The following IGF2BP3 variants were observed in gnomAD, a reference collection of about 807,000 sequenced individuals.
IGF2BP3 encodes the protein insulin-like growth factor 2 mRNA-binding protein 3.
In IGF2BP3, 9 loss-of-function variants were observed where a neutral mutation model predicts 73.8. That is an observed-to-expected ratio of 0.12 (90% CI 0.07 to 0.21). IGF2BP3 has a LOEUF of 0.21. IGF2BP3 is among the 10% of genes least tolerant of loss of function. The pLI, the probability that IGF2BP3 is intolerant of heterozygous loss-of-function variation, is 1.00. For synonymous variants in IGF2BP3, 258 were observed against 256.7 expected (o/e 1.01, Z -0.05); for missense variants, 542 against 714.0 (o/e 0.76, Z 2.75).
At chr7:23,436,613 T>C (rs1186997596) in intron 2 of IGF2BP3, among the ~76,000 whole-genome samples, 2 of 152,136 alleles carry the variant, frequency 1.3e-5, no homozygotes, top group Middle Eastern at 3.2e-3. Flanking sequence ...AAGAGAAAAA[T>C]ATAATTTAAC....
At chr7:23,316,381 TA>T (rs1307220366) in intron 12 of IGF2BP3, among the ~76,000 whole-genome samples, 1 of 151,984 alleles carries the variant, frequency 6.6e-6, no homozygotes, top group African/African-American at 2.4e-5. Context: ...ACTTTAAGGC[TA>T]AAAAAACTAA....
At chr7:23,329,484 C>T (rs1784389939) in intron 10 of IGF2BP3, among the ~76,000 whole-genome samples, 1 of 152,178 alleles carries the variant, frequency 6.6e-6, no homozygotes, top group African/African-American at 2.4e-5. Flanking sequence ...AGTAGAACTG[C>T]TGAGTCAAAA....
intron 3 of IGF2BP3, among the ~76,000 whole-genome samples, chr7:23,378,647 T>C (rs1295643725): frequency 6.8e-6 from 1 of 146,398 alleles, no homozygotes; most frequent in Non-Finnish European, 1.5e-5. Flanking sequence ...GATCTTGGCT[T>C]ACTGCCACCT....
intron 3 of IGF2BP3, among the ~76,000 whole-genome samples, chr7:23,401,943 C>T (rs1226610043): frequency 1.3e-5 from 2 of 151,956 alleles, no homozygotes; most frequent in South Asian, 4.1e-4. Context: ...ATGGCAAAAC[C>T]CCATCTCTAC....
chr7:23,427,608 A>C (rs1227379679), intron 2 of IGF2BP3, among the ~76,000 whole-genome samples: 2 of 152,204 alleles, frequency 1.3e-5, no homozygotes, highest in African/African-American at 2.4e-5. Context: ...GTGATGGCTC[A>C]CGCCTGTAAT....
chr7:23,369,121 T>C (rs947205810), intron 3 of IGF2BP3, among the ~76,000 whole-genome samples: 1 of 152,138 alleles, frequency 6.6e-6, no homozygotes, highest in Admixed American at 6.5e-5. Context: ...TGGTTCAGCT[T>C]TGTGTGACAA....
At chr7:23,417,827 A>G (rs1476108040) in intron 3 of IGF2BP3, among the ~76,000 whole-genome samples, 4 of 152,214 alleles carry the variant, frequency 2.6e-5, no homozygotes, top group African/African-American at 9.6e-5. Flanking sequence ...CCATCTATAA[A>G]GTATATTTTT....
intron 3 of IGF2BP3, among the ~76,000 whole-genome samples, chr7:23,372,584 T>C (rs1274599417): frequency 6.6e-6 from 1 of 152,228 alleles, no homozygotes; most frequent in Non-Finnish European, 1.5e-5. Flanking sequence ...CGTTTGGTTT[T>C]TCCATTCCTG....
chr7:23,406,032 C>G (rs377262391), intron 3 of IGF2BP3, among the ~76,000 whole-genome samples: 83 of 139,970 alleles, frequency 5.9e-4, no homozygotes, highest in African/African-American at 2.1e-3. Context: ...ACGACTGTTG[C>G]AAAGAAATAA....
In IGF2BP3 at chr7:23,470,126, T is replaced by C. The variant is rs751597565; in HGVS notation, c.-16A>G. 3.8e-6 allele frequency: 6 copies of C among 1,571,936 alleles called. No individual in the cohort carries two copies. The highest frequency in any genetic ancestry group is 5.2e-6 in the Non-Finnish European group (6 of 1,160,696). ...GTTTGTTCATTGTGAAGAGTGGTTG[T>C]TTAAAAAAAAATAACGAGAAAAAAC... On this transcript the variant is annotated 5_prime_UTR_variant, in exon 1 of 15. Transcript: ENST00000258729.
Position 23,311,346 on chromosome 7 carries a change from C to T in IGF2BP3, c.*1016G>A, listed in dbSNP as rs547268841. ...AGTCTTGCATCTCTTCACTGATGCA[C>T]TTTCTTTAGGTATTGATAGTCAGAA... On this transcript the variant is annotated 3_prime_UTR_variant, in exon 15 of 15. Transcript: ENST00000258729. 5.2e-5 allele frequency: 8 copies of T among 152,704 alleles called. No homozygotes were observed. In the South Asian group the frequency reaches 1.7e-3, roughly 32 times the overall value. 9.5% of individuals were successfully genotyped at this position (152,704 alleles called of 1,614,324 possible).
intron 3 of IGF2BP3, among the ~76,000 whole-genome samples, chr7:23,390,840 C>A (rs1320404731): frequency 6.7e-6 from 1 of 150,278 alleles, no homozygotes; most frequent in East Asian, 1.9e-4. Flanking sequence ...GCTCTGTTGC[C>A]CAGGCTGGAG....
rs776920934 is a variant in IGF2BP3 at position 23,470,114 on chromosome 7, G to T, written c.-4C>A. ...TTCCGATATACAGTTTGTTCATTGT[G>T]AAGAGTGGTTGTTTAAAAAAAAATA... On this transcript the variant is annotated 5_prime_UTR_variant, in exon 1 of 15. Transcript: ENST00000258729. 8 of 1,592,706 alleles carry T rather than the reference G, an allele frequency of 5.0e-6. No homozygotes were observed. The South Asian group carries it at 9.1e-5, about 18-fold the overall frequency.
intron 2 of IGF2BP3, among the ~76,000 whole-genome samples, chr7:23,430,527 GCTGTGCCGAACTAAAC>G (rs1243493324): frequency 6.6e-6 from 1 of 152,234 alleles, no homozygotes; most frequent in Non-Finnish European, 1.5e-5. Context: ...TTTCATTCCA[GCTGTGCCGAACTAAAC>G]CTATGTCCAA....
intron 3 of IGF2BP3, among the ~76,000 whole-genome samples, chr7:23,411,360 T>A (rs1051201278): frequency 1.3e-5 from 2 of 152,176 alleles, no homozygotes; most frequent in African/African-American, 4.8e-5. Flanking sequence ...AGTGGGTGGA[T>A]CACCTGAGGT....
intron 10 of IGF2BP3, among the ~76,000 whole-genome samples, chr7:23,338,482 C>T (rs1784629519): frequency 1.3e-5 from 2 of 152,032 alleles, no homozygotes. Context: ...ATAGTGAGTC[C>T]CCATCTCTTG....
At position 23,348,666 on chromosome 7, in the gene IGF2BP3, T is replaced by C. The variant is rs555879423; in HGVS notation, c.684-932A>G. Among the ~76,000 whole-genome samples, 141 of 152,302 alleles carry C rather than the reference T, an allele frequency of 9.3e-4. 1 individual carries two copies. The highest frequency in any genetic ancestry group is 3.4e-3 in the Middle Eastern group (1 of 294). On this transcript the variant is annotated intron_variant, in intron 6 of 14. Coordinates refer to ENST00000258729, the MANE Select transcript of IGF2BP3 (RefSeq NM_006547.3). ...ATTGTAGGAAATTTACTAACTTCCC[T>C]GGCCTGTACCTACTAGATGCTAGTA...
chr7:23,315,264 T>C (rs915713150), intron 12 of IGF2BP3, among the ~76,000 whole-genome samples: 2 of 151,736 alleles, frequency 1.3e-5, no homozygotes, highest in African/African-American at 4.8e-5. Flanking sequence ...TCCACCACCA[T>C]GCCTGGCTAA....
chr7:23,454,695 G>A (rs972446853), intron 2 of IGF2BP3, among the ~76,000 whole-genome samples: 2 of 152,184 alleles, frequency 1.3e-5, no homozygotes. Context: ...GGCCTGTGTA[G>A]CTCCAAGCAA....
Sources: gnomAD v4.1 joint callset for allele counts (sites outside exome capture counted in the v4.1 genomes callset) on GRCh38, gnomAD v4.1.1 for gene constraint, MANE v1.5 for transcripts, NCBI Gene and HGNC (gene_info 2026-07-23, HGNC 2026-07-21) for gene names.